The following SOX5 variants were observed in gnomAD, a reference collection of about 807,000 sequenced individuals.
SOX5 encodes the protein SRY-box transcription factor 5.
SOX5 carries 9 observed loss-of-function variants against 92.0 expected under a neutral mutation model. The ratio of observed to expected loss-of-function variants is 0.10; its 90% CI spans 0.06 to 0.17. The LOEUF (loss-of-function observed/expected upper bound fraction) is 0.17, where lower values mean the gene tolerates loss of function less well. Among genes scored for constraint, SOX5 ranks in the 10% least tolerant of loss-of-function variants. The pLI is 1.00. For missense variants in SOX5, 642 were observed against 944.5 expected, an observed-to-expected ratio of 0.68 and a Z score of 4.20; for synonymous variants, 344 against 336.3, an observed-to-expected ratio of 1.02 and a Z score of -0.25.
intron 7 of SOX5, among the ~76,000 whole-genome samples, chr12:23,649,042 C>T (rs1479446): frequency 0.29 from 43,667 of 151,962 alleles, 6,454 homozygotes; most frequent in Middle Eastern, 0.41. Flanking sequence ...TACCTTGTTA[C>T]CATTTTTTCA....
chr12:23,926,895 C>G (rs1370640889), intron 1 of SOX5, among the ~76,000 whole-genome samples: 1 of 151,742 alleles, frequency 6.6e-6, no homozygotes, highest in African/African-American at 2.4e-5. Context: ...GAAGCCTATC[C>G]CAGAGGACTT....
At chr12:23,538,634 C>T (rs1261931108) in intron 13 of SOX5, among the ~76,000 whole-genome samples, 1 of 152,088 alleles carries the variant, frequency 6.6e-6, no homozygotes, top group African/African-American at 2.4e-5. Flanking sequence ...TTCTTCCAAG[C>T]ATTTATACCA....
intron 6 of SOX5, among the ~76,000 whole-genome samples, chr12:23,702,424 T>C (rs2090785564): frequency 6.6e-6 from 1 of 152,050 alleles, no homozygotes; most frequent in Non-Finnish European, 1.5e-5. Context: ...TGAGTGGTAG[T>C]AGTTACTAAT....
intron 4 of SOX5, among the ~76,000 whole-genome samples, chr12:24,084,987 A>G (rs1943796225): frequency 6.6e-6 from 1 of 152,076 alleles, no homozygotes; most frequent in Non-Finnish European, 1.5e-5. Flanking sequence ...TACCTTGTGG[A>G]AGAAGTGTTG....
chr12:24,221,756 A>G (rs1374192122), intron 3 of SOX5, among the ~76,000 whole-genome samples: 2 of 152,252 alleles, frequency 1.3e-5, no homozygotes, highest in Admixed American at 6.5e-5. Context: ...TTGGAGACAA[A>G]AACAGTTTGT....
chr12:24,331,728 A>T (rs906322402), intron 2 of SOX5, among the ~76,000 whole-genome samples: 2 of 151,718 alleles, frequency 1.3e-5, no homozygotes, highest in Non-Finnish European at 2.9e-5. Context: ...CGTGCCTGTA[A>T]TCCCAGCTAC....
At chr12:24,547,675 A>G (rs2138897447) in intron 1 of SOX5, among the ~76,000 whole-genome samples, 1 of 152,320 alleles carries the variant, frequency 6.6e-6, no homozygotes, top group South Asian at 2.1e-4. Context: ...TGATTAATAA[A>G]ATACTCAGCT....
intron 4 of SOX5, among the ~76,000 whole-genome samples, chr12:24,085,608 T>G (rs1461625057): frequency 6.6e-6 from 1 of 152,030 alleles, no homozygotes; most frequent in African/African-American, 2.4e-5. Context: ...AAGGGCTAAG[T>G]CCCACATACA....
At chr12:24,253,724 T>C (rs1205836124) in intron 3 of SOX5, among the ~76,000 whole-genome samples, 2 of 151,722 alleles carry the variant, frequency 1.3e-5, no homozygotes, top group African/African-American at 2.4e-5. Flanking sequence ...GACCATCTCA[T>C]AAAACCTTGA....
intron 13 of SOX5, among the ~76,000 whole-genome samples, chr12:23,538,799 C>CTTTTTTTTTT (rs67268404): frequency 5.6e-4 from 61 of 108,138 alleles, no homozygotes; most frequent in East Asian, 1.1e-3. Context: ...CCAGCATTTT[C>CTTTTTTTTTT]TTTTTTTTTT....
chr12:24,498,990 G>A (rs918899461), intron 1 of SOX5, among the ~76,000 whole-genome samples: 10 of 152,160 alleles, frequency 6.6e-5, no homozygotes, highest in African/African-American at 2.4e-4. Context: ...GCATTCAAGT[G>A]ATGGTGTAAT....
chr12:24,032,387 A>C (rs1955601221), intron 4 of SOX5, among the ~76,000 whole-genome samples: 2 of 151,904 alleles, frequency 1.3e-5, no homozygotes, highest in South Asian at 4.1e-4. Flanking sequence ...TGAAAACATC[A>C]GTACCTTTTA....
At chr12:23,707,636 T>G (rs561035761) in intron 6 of SOX5, among the ~76,000 whole-genome samples, 2 of 152,280 alleles carry the variant, frequency 1.3e-5, no homozygotes, top group Admixed American at 1.3e-4. Flanking sequence ...GGTCTCGATT[T>G]TAGTTTTGGA....
intron 6 of SOX5, among the ~76,000 whole-genome samples, chr12:23,724,898 T>C (rs1258043865): frequency 6.6e-6 from 1 of 152,158 alleles, no homozygotes; most frequent in African/African-American, 2.4e-5. Flanking sequence ...AAAAATCTAC[T>C]TGGTGGGGTA....
intron 3 of SOX5, among the ~76,000 whole-genome samples, chr12:23,831,781 G>A (rs1162636550): frequency 6.6e-6 from 1 of 151,954 alleles, no homozygotes; most frequent in Non-Finnish European, 1.5e-5. Context: ...TAATGATAAA[G>A]TCTAGTTCTA....
At chr12:24,373,104 C>A (rs1341662516) in intron 1 of SOX5, among the ~76,000 whole-genome samples, 1 of 149,144 alleles carries the variant, frequency 6.7e-6, no homozygotes, top group Non-Finnish European at 1.5e-5. Context: ...AGTAACAAAC[C>A]TGAGACCCAG....
intron 2 of SOX5, among the ~76,000 whole-genome samples, chr12:23,860,944 A>G (rs1466676863): frequency 8.2e-6 from 1 of 122,690 alleles, no homozygotes; most frequent in East Asian, 2.4e-4. Flanking sequence ...AACACAAAGT[A>G]TATTTTGTAA....
Position 24,148,701 on chromosome 12 carries a change from A to T in SOX5, c.-2+64642T>A, listed in dbSNP as rs1317758352. Among the ~76,000 whole-genome samples, 154 of 115,006 alleles carry T rather than the reference A, an allele frequency of 1.3e-3. 2 individuals carry two copies. The highest frequency in any genetic ancestry group is 3.5e-3 in the Admixed American group (41 of 11,716). The allele number at this position is 115,006 out of a possible 152,430, so 75.4% of individuals were successfully genotyped here. On this transcript the variant is annotated intron_variant, in intron 4 of 4. Transcript: ENST00000446891. Reference sequence around the variant, plus strand: ...CCCCATCTCTACTAAAAAAAAAAAAAAAAAAAAAAAAAAAAGAAGAAAGAA... The same window carrying T: ...CCCCATCTCTACTAAAAAAAAAAAATAAAAAAAAAAAAAAAGAAGAAAGAA...
At chr12:23,674,857 A>G (rs1017283003) in intron 6 of SOX5, among the ~76,000 whole-genome samples, 3 of 151,924 alleles carry the variant, frequency 2.0e-5, no homozygotes, top group Admixed American at 1.3e-4. Flanking sequence ...ACCATCTGAA[A>G]ATTGAGCAGA....
Sources: allele counts gnomAD v4.1 joint callset (sites outside exome capture counted in the v4.1 genomes callset), GRCh38; gene constraint gnomAD v4.1.1; transcripts MANE v1.5; gene names NCBI Gene and HGNC (gene_info 2026-07-23, HGNC 2026-07-21).